MBP: variants seen among roughly 807,000 people sequenced by gnomAD.
MBP encodes the protein myelin basic protein.
A neutral mutation model predicts 35.8 loss-of-function variants in MBP; 16 were observed. That is an observed-to-expected ratio of 0.45 (90% CI 0.30 to 0.68). MBP has a LOEUF of 0.68. MBP is among the 30% of genes least tolerant of loss of function. The pLI is 0.08. For synonymous variants in MBP, 143 were observed against 159.6 expected (o/e 0.90, Z 0.78); for missense variants, 380 against 404.7 (o/e 0.94, Z 0.52).
In MBP at chr18:77,060,468, T is replaced by TTTTTTTTTTTTA. The variant is rs11422817; in HGVS notation, c.139+5829_139+5830insTAAAAAAAAAAA. 3.2e-4 allele frequency among the ~76,000 whole-genome samples: 43 copies of TTTTTTTTTTTTA among 133,030 alleles called. 2 individuals carry two copies. The highest frequency in any genetic ancestry group is 1.4e-3 in the African/African-American group (41 of 29,088). 87.3% of individuals were successfully genotyped at this position (133,030 alleles called of 152,430 possible). On this transcript the variant is annotated intron_variant, in intron 3 of 8. Transcript: ENST00000355994. ...CTCTCCTTTTTTTTTTTTTTTTTTT[T>TTTTTTTTTTTTA]ATGAGGCGGAGTTTTGCTCTTGTTG...
chr18:77,133,252 C>T (rs907026929), upstream of MBP, among the ~76,000 whole-genome samples: 1 of 152,222 alleles, frequency 6.6e-6, no homozygotes, highest in African/African-American at 2.4e-5. Context: ...GCCGGCAGGT[C>T]CTCCCAAGGC....
rs1475805822 is a variant in MBP at position 77,029,030 on chromosome 18, A to G, written c.140-11762T>C. On this transcript the variant is annotated intron_variant, in intron 3 of 8. Transcript: ENST00000355994. ...GGGTGGCGGCCGGGCAGAGGCTGCA[A>G]TCTCGGCACTTTGGGAGGCCAAGGC... is the stretch of plus-strand genomic sequence containing the variant. Among the ~76,000 whole-genome samples the G allele has an allele frequency of 3.7e-5, 4 of 107,694 alleles. 1 individual carries two copies. Among genetic ancestry groups the G allele is most frequent in the Non-Finnish European group, 7.1e-5 (3 of 42,192 alleles). The allele number at this position is 107,694 out of a possible 152,430, so 70.7% of individuals were successfully genotyped here.
At chr18:77,001,361 G>C (rs1425829234) in intron 4 of MBP, among the ~76,000 whole-genome samples, 1 of 151,288 alleles carries the variant, frequency 6.6e-6, no homozygotes, top group Non-Finnish European at 1.5e-5. Context: ...CCAGAAGATC[G>C]GCCCAGCGTA....
At chr18:77,088,660 A>G (rs1426694901) in intron 2 of MBP, among the ~76,000 whole-genome samples, 4 of 46,604 alleles carry the variant, frequency 8.6e-5, no homozygotes, top group Non-Finnish European at 2.1e-4. Flanking sequence ...ATTTCTCTAA[A>G]ACAAACTGGT....
chr18:77,000,574 G>C (rs554892376), intron 4 of MBP, among the ~76,000 whole-genome samples: 1 of 152,336 alleles, frequency 6.6e-6, no homozygotes, highest in Admixed American at 6.5e-5. Context: ...CTGTTTGATT[G>C]CATGATTTTT....
rs756657953 is a variant in MBP at position 76,989,034 on chromosome 18, C to T, written c.682-122G>A. The T allele has an allele frequency of 7.1e-6, 6 of 841,374 alleles. No homozygotes were observed. The South Asian group carries it at 7.9e-5, about 11-fold the overall frequency. 52.1% of individuals were successfully genotyped at this position (841,374 alleles called of 1,614,324 possible). On this transcript the variant is annotated intron_variant, in intron 5 of 8. Transcript: ENST00000355994. The surrounding 1 kb of genome is among the most constrained non-coding windows in gnomAD (Gnocchi z 4.0). Reference sequence around the variant, plus strand: ...TCAGCTGCCAGAAGCACCCGGGTGCCCAGCCTCCCCACTTCTGTCCTAGTT... The same window carrying T: ...TCAGCTGCCAGAAGCACCCGGGTGCTCAGCCTCCCCACTTCTGTCCTAGTT...
intron 2 of MBP, among the ~76,000 whole-genome samples, chr18:77,104,003 C>T (rs1040320586): frequency 6.6e-6 from 1 of 152,252 alleles, no homozygotes; most frequent in Non-Finnish European, 1.5e-5. Context: ...TTGCAGTTTC[C>T]CGTTTAACTG....
chr18:76,985,044 C>A, intron 7 of MBP, 150 bp from the exon 8 acceptor site: 1 of 1,493,984 alleles, frequency 6.7e-7, no homozygotes, highest in Non-Finnish European at 9.0e-7. Context: ...CAGCACCACG[C>A]TGAGGGGGTG....
chr18:77,066,933 C>T (rs1457665828), intron 2 of MBP, among the ~76,000 whole-genome samples: 5 of 152,230 alleles, frequency 3.3e-5, no homozygotes, highest in Non-Finnish European at 5.9e-5. Context: ...CTGGCCACTC[C>T]TCTGGGAATC....
intron 4 of MBP, chr18:77,014,287 T>A: frequency 1.0e-6 from 1 of 985,460 alleles, no homozygotes; most frequent in Non-Finnish European, 1.2e-6. Context: ...AGCGGCCATG[T>A]GCCCTCAAGG....
intron 1 of MBP, among the ~76,000 whole-genome samples, chr18:77,132,205 A>C (rs571493164): frequency 6.6e-6 from 1 of 151,684 alleles, no homozygotes; most frequent in East Asian, 2.0e-4. Context: ...CGACCCTGGG[A>C]CCGCCGGGCC....
chr18:77,117,777 T>TGGGGGTCAGTGGTTTGGGGTGGGAC (rs1568348031), intron 1 of MBP, among the ~76,000 whole-genome samples: 2 of 31,908 alleles, frequency 6.3e-5, no homozygotes, highest in South Asian at 8.8e-4. Context: ...TGGAGTGGGA[T>TGGGGGTCAGTGGTTTGGGGTGGGAC]GGGGGTCAGT....
At chr18:77,053,304 G>A (rs1027412189) in intron 3 of MBP, among the ~76,000 whole-genome samples, 6 of 152,256 alleles carry the variant, frequency 3.9e-5, no homozygotes, top group African/African-American at 1.4e-4. Flanking sequence ...CCAGCCAAGG[G>A]GCACACAGAA....
Position 76,980,442 on chromosome 18 carries a change from GGGT to G in MBP, c.897_899del (p.Pro300del), listed in dbSNP as rs1445527076. On this transcript the variant is annotated inframe_deletion, in exon 9 of 9. Coordinates refer to ENST00000355994, the MANE Select transcript of MBP (RefSeq NM_001025101.2). ...AGGTGGGTTTTCAGCGTCTAGCCATGGGTGATCCAGAGCGACTATCTCTTCCTC... is the reference window on the plus strand; with the variant it reads ...AGGTGGGTTTTCAGCGTCTAGCCATGGATCCAGAGCGACTATCTCTTCCTC... 2 of 1,613,706 alleles carry G rather than the reference GGGT, an allele frequency of 1.2e-6. No homozygotes were observed. Among genetic ancestry groups the G allele is most frequent in the African/African-American group, 2.7e-5 (2 of 74,998 alleles).
intron 1 of MBP, among the ~76,000 whole-genome samples, chr18:77,117,745 A>C (rs1324012630): frequency 1.1e-5 from 1 of 88,790 alleles, no homozygotes; most frequent in African/African-American, 5.0e-5. Flanking sequence ...AGTGGGTTGG[A>C]GTGGGATAGG....
Position 76,988,471 on chromosome 18 carries a change from G to A in MBP, c.750+24C>T. The A allele has an allele frequency of 1.2e-6, 2 of 1,614,214 alleles. No individual in the cohort carries two copies. Among genetic ancestry groups the A allele is most frequent in the Non-Finnish European group, 1.7e-6 (2 of 1,180,028 alleles). On this transcript the variant is annotated intron_variant, in intron 7 of 8. Transcript: ENST00000355994. The surrounding 1 kb of genome is among the most constrained non-coding windows in gnomAD (Gnocchi z 5.2). ...GAGGACTGGGACGGAAGAGGAAGCC[G>A]ATGGAAGTGCGTTCGTCACCTACCC...
intron 2 of MBP, among the ~76,000 whole-genome samples, chr18:77,094,002 A>G (rs1231293471): frequency 5.6e-5 from 8 of 143,262 alleles, no homozygotes; most frequent in Non-Finnish European, 1.2e-4. Flanking sequence ...TTTGACACGG[A>G]GTCTCGCTCT....
intron 4 of MBP, chr18:77,009,901 C>A: frequency 6.3e-7 from 1 of 1,595,072 alleles, no homozygotes; most frequent in Admixed American, 1.7e-5. Flanking sequence ...GGGCAGAGGG[C>A]TCCGGCCCGG....
Position 77,060,828 on chromosome 18 carries a change from G to T in MBP, c.139+5470C>A, listed in dbSNP as rs911202653. On this transcript the variant is annotated intron_variant, in intron 3 of 8. Coordinates refer to ENST00000355994, the MANE Select transcript of MBP (RefSeq NM_001025101.2). ...CCCTGTTTTCTGGAGGAGGAAACAGGCACAGAGAGATGAAGTCGCACCCCC... is the reference window on the plus strand; with the variant it reads ...CCCTGTTTTCTGGAGGAGGAAACAGTCACAGAGAGATGAAGTCGCACCCCC... Among the ~76,000 whole-genome samples, 13 of 152,194 alleles carry T rather than the reference G, an allele frequency of 8.5e-5. 1 individual carries two copies. The highest frequency in any genetic ancestry group is 1.9e-4 in the Non-Finnish European group (13 of 68,040).
Sources: gnomAD v4.1 joint callset for allele counts (sites outside exome capture counted in the v4.1 genomes callset) on GRCh38, gnomAD v4.1.1 for gene constraint, Gnocchi (gnomAD v3.1) non-coding constraint, MANE v1.5 for transcripts, NCBI Gene and HGNC (gene_info 2026-07-23, HGNC 2026-07-21) for gene names.